The following ADGRL2 variants were observed in gnomAD, a reference collection of about 807,000 sequenced individuals.
ADGRL2 encodes calcium-independent alpha-latrotoxin receptor 2.
In ADGRL2, 44 loss-of-function variants were observed where a neutral mutation model predicts 157.4. That is an observed-to-expected ratio of 0.28 (90% CI 0.22 to 0.36). The LOEUF (loss-of-function observed/expected upper bound fraction) is 0.36, where lower values mean the gene tolerates loss of function less well. Ranked by LOEUF, ADGRL2 falls within the 10% of genes least tolerant of loss-of-function variation. The probability of loss-of-function intolerance (pLI) is 1.00; values close to 1 mark genes in which losing one functional copy is unlikely to be tolerated. For missense variants in ADGRL2, 1,510 were observed against 1,768.9 expected (o/e 0.85, Z 2.63); for synonymous variants, 585 against 624.7 (o/e 0.94, Z 0.95).
intron 1 of ADGRL2, among the ~76,000 whole-genome samples, chr1:81,393,404 A>G (rs2076595285): frequency 6.6e-6 from 1 of 151,704 alleles, no homozygotes; most frequent in Admixed American, 6.6e-5. Flanking sequence ...CATGAGAGGC[A>G]TTCAAGAACA....
intron 10 of ADGRL2, 108 bp downstream of exon 10, chr1:81,953,133 A>T: frequency 1.1e-6 from 1 of 882,330 alleles, no homozygotes; most frequent in Non-Finnish European, 1.8e-6. Context: ...TAATTATATA[A>T]TGTGCCCCAT....
chr1:81,907,688 T>A (rs1350813467), intron 3 of ADGRL2, among the ~76,000 whole-genome samples: 1 of 152,136 alleles, frequency 6.6e-6, no homozygotes, highest in African/African-American at 2.4e-5. Context: ...CAGAGATTTC[T>A]CATATGATCC....
chr1:81,718,735 G>C (rs143463879), intron 1 of ADGRL2, among the ~76,000 whole-genome samples: 2 of 152,318 alleles, frequency 1.3e-5, no homozygotes, highest in Non-Finnish European at 2.9e-5. Flanking sequence ...TGGTATGACA[G>C]TTGCCAAACT....
chr1:81,356,927 T>C (rs551723468), intron 1 of ADGRL2, among the ~76,000 whole-genome samples: 3 of 72,128 alleles, frequency 4.2e-5, no homozygotes, highest in Non-Finnish European at 5.1e-5. Context: ...CACTCCAGCC[T>C]GGGGGACAAA....
At chr1:81,673,936 A>T (rs973846422) in intron 3 of ADGRL2, among the ~76,000 whole-genome samples, 14 of 152,192 alleles carry the variant, frequency 9.2e-5, no homozygotes, top group Admixed American at 3.9e-4. Flanking sequence ...TGCTTGTGGG[A>T]TGATCCACTT....
intron 1 of ADGRL2, among the ~76,000 whole-genome samples, chr1:81,733,680 T>C (rs571893666): frequency 6.6e-6 from 1 of 152,244 alleles, no homozygotes; most frequent in African/African-American, 2.4e-5. Flanking sequence ...GCCCATAACA[T>C]ATGTTGCAGT....
chr1:81,605,316 A>C (rs956359545), intron 3 of ADGRL2, among the ~76,000 whole-genome samples: 1 of 152,208 alleles, frequency 6.6e-6, no homozygotes, highest in Non-Finnish European at 1.5e-5. Flanking sequence ...TTTGTGATTT[A>C]TGTGTGGCCA....
At chr1:81,479,060 G>A (rs1186357504) in intron 2 of ADGRL2, among the ~76,000 whole-genome samples, 1 of 152,040 alleles carries the variant, frequency 6.6e-6, no homozygotes, top group Non-Finnish European at 1.5e-5. Context: ...TATTGTGTTT[G>A]AAAGTATTGT....
Position 81,650,307 on chromosome 1 carries a change from C to A in ADGRL2, c.-143+69327C>A, listed in dbSNP as rs774428775. On this transcript the variant is annotated intron_variant, in intron 3 of 24. Coordinates refer to the ADGRL2 transcript ENST00000370721. Reference sequence around the variant, plus strand: ...AAATTGTGGGCCGGGCCCCCTGGCTCACACCTGTAATCCCAGCACTTTGGG... The same window carrying A: ...AAATTGTGGGCCGGGCCCCCTGGCTAACACCTGTAATCCCAGCACTTTGGG... Among the ~76,000 whole-genome samples the A allele has an allele frequency of 8.7e-4, 133 of 152,046 alleles. 1 individual carries two copies. The highest frequency in any genetic ancestry group is 2.9e-4 in the Non-Finnish European group (20 of 68,010).
chr1:81,895,684 C>T (rs1332464398), intron 2 of ADGRL2, among the ~76,000 whole-genome samples: 1 of 151,982 alleles, frequency 6.6e-6, no homozygotes, highest in Non-Finnish European at 1.5e-5. Flanking sequence ...CGTGAGCCAC[C>T]GCCCCAGACC....
intron 1 of ADGRL2, among the ~76,000 whole-genome samples, chr1:81,755,882 G>A (rs940266594): frequency 1.3e-5 from 2 of 152,068 alleles, no homozygotes; most frequent in East Asian, 3.9e-4. Flanking sequence ...GCAATTCACA[G>A]TATGGCATCA....
chr1:81,696,905 A>C (rs2083458106), upstream of ADGRL2, among the ~76,000 whole-genome samples: 1 of 152,208 alleles, frequency 6.6e-6, no homozygotes, highest in African/African-American at 2.4e-5. Flanking sequence ...TCATTAAAAT[A>C]AAAGTGAGCC....
At chr1:81,321,489 T>C (rs956943017) in intron 1 of ADGRL2, among the ~76,000 whole-genome samples, 2 of 152,112 alleles carry the variant, frequency 1.3e-5, no homozygotes, top group Non-Finnish European at 2.9e-5. Flanking sequence ...AGGCAACCCT[T>C]CCTTTCACGT....
chr1:81,444,638 G>A (rs894603483), intron 1 of ADGRL2, among the ~76,000 whole-genome samples: 2 of 152,148 alleles, frequency 1.3e-5, no homozygotes, highest in African/African-American at 2.4e-5. Context: ...TGGCCTGCAC[G>A]TTTACATTTA....
intron 1 of ADGRL2, among the ~76,000 whole-genome samples, chr1:81,752,113 G>A (rs2085508259): frequency 6.6e-6 from 1 of 152,158 alleles, no homozygotes; most frequent in South Asian, 2.1e-4. Flanking sequence ...TAGGTCATAA[G>A]GGTGGAGCCT....
rs533175029 is a variant in ADGRL2, at chr1:81,427,835, T to G, written c.-301-17201T>G. Among the ~76,000 whole-genome samples, 125 of 152,332 alleles carry G rather than the reference T, an allele frequency of 8.2e-4. No individual in the cohort carries two copies. In the South Asian group the frequency reaches 9.1e-3, roughly 11 times the overall value. ...AGTTTGCAAAAAGTTCAGCTATTGA[T>G]TAATGCGATGTAGTGTCAATTACAT... On this transcript the variant is annotated intron_variant, in intron 1 of 24. Transcript: ENST00000370721.
chr1:81,519,998 T>G (rs537224417), intron 2 of ADGRL2, among the ~76,000 whole-genome samples: 1 of 152,198 alleles, frequency 6.6e-6, no homozygotes, highest in Non-Finnish European at 1.5e-5. Flanking sequence ...CTTCCTCAAG[T>G]CTTTTTTAAT....
chr1:81,934,239 G>A (rs1347367348), intron 3 of ADGRL2, among the ~76,000 whole-genome samples: 1 of 151,954 alleles, frequency 6.6e-6, no homozygotes, highest in Non-Finnish European at 1.5e-5. Flanking sequence ...ATTGGTCAGA[G>A]GACTACTGCA....
intron 1 of ADGRL2, among the ~76,000 whole-genome samples, chr1:81,755,253 T>C (rs2149283759): frequency 6.7e-6 from 1 of 149,876 alleles, no homozygotes; most frequent in African/African-American, 2.4e-5. Flanking sequence ...GGGGTGATAA[T>C]TGTAGTATTT....
Sources: gnomAD v4.1 joint callset for allele counts (sites outside exome capture counted in the v4.1 genomes callset) on GRCh38, gnomAD v4.1.1 for gene constraint, MANE v1.5 for transcripts, NCBI Gene and HGNC (gene_info 2026-07-23, HGNC 2026-07-21) for gene names.